The following C12orf50 variants were observed in gnomAD, a reference collection of about 807,000 sequenced individuals.
The protein encoded by C12orf50 is uncharacterized protein C12orf50.
Under a neutral mutation model 61.6 loss-of-function variants are expected in C12orf50, and 35 were observed. That is an observed-to-expected ratio of 0.57 (90% confidence interval 0.43 to 0.75). The LOEUF is 0.75. Ranked by LOEUF, C12orf50 falls within the 30% of genes least tolerant of loss-of-function variation. The pLI is 0.00. For missense variants in C12orf50, 475 were observed against 488.5 expected (o/e 0.97, Z 0.26); for synonymous variants, 178 against 161.5 (o/e 1.10, Z -0.77).
intron 12 of C12orf50, among the ~76,000 whole-genome samples, chr12:87,982,894 C>A (rs58314486): frequency 0.077 from 11,571 of 150,962 alleles, 1,199 homozygotes; most frequent in African/African-American, 0.24. Flanking sequence ...TTTTGGGTAA[C>A]ACATAAAAAT....
At chr12:88,008,592 TTAAA>T (rs1470204129) in intron 3 of C12orf50, among the ~76,000 whole-genome samples, 4 of 152,088 alleles carry the variant, frequency 2.6e-5, no homozygotes, top group African/African-American at 9.7e-5. Flanking sequence ...TATATAATTC[TTAAA>T]TAAAGAATTG....
chr12:88,010,583 T>C lies in C12orf50; in HGVS notation c.134-12393A>G, dbSNP rs539909174. Among the ~76,000 whole-genome samples, 96 of 151,474 alleles carry C rather than the reference T, an allele frequency of 6.3e-4. 1 individual carries two copies. The highest frequency in any genetic ancestry group is 2.3e-3 in the African/African-American group (94 of 41,482). Reference sequence around the variant, plus strand: ...AAAATTTTTACTTTTAAAGCCAATATTGATAAAATGTTGAAAGTTACACCA... The same window carrying C: ...AAAATTTTTACTTTTAAAGCCAATACTGATAAAATGTTGAAAGTTACACCA... On this transcript the variant is annotated intron_variant, in intron 3 of 12. Coordinates refer to ENST00000298699, the MANE Select transcript of C12orf50 (RefSeq NM_152589.3).
chr12:88,026,695 C>T (rs376881739), intron 2 of C12orf50, 87 bp from the exon 3 acceptor site: 22 of 1,496,168 alleles, frequency 1.5e-5, no homozygotes, highest in East Asian at 4.6e-5. Context: ...CACAAGGACA[C>T]AAAAACAATT....
chr12:87,994,242 AAGT>A (rs2031274553), intron 7 of C12orf50, among the ~76,000 whole-genome samples: 1 of 151,952 alleles, frequency 6.6e-6, no homozygotes, highest in Non-Finnish European at 1.5e-5. Flanking sequence ...GATAAATAAA[AAGT>A]AGACTTAATC....
chr12:87,992,398 CTG>C (rs968701336), intron 7 of C12orf50, among the ~76,000 whole-genome samples: 1 of 151,788 alleles, frequency 6.6e-6, no homozygotes, highest in Non-Finnish European at 1.5e-5. Context: ...TGTGTATCAA[CTG>C]TGTGTATATA....
intron 7 of C12orf50, 72 bp from the exon 8 acceptor site, chr12:87,989,443 A>T: frequency 1.0e-6 from 1 of 992,998 alleles, no homozygotes; most frequent in Non-Finnish European, 1.6e-6. Context: ...ATACAGGAAC[A>T]TTTTCTACAA....
At chr12:88,025,913 A>T (rs1304562400) in intron 3 of C12orf50, among the ~76,000 whole-genome samples, 5 of 152,202 alleles carry the variant, frequency 3.3e-5, no homozygotes, top group African/African-American at 1.2e-4. Context: ...CACTTCCCAG[A>T]ACCAACTTTA....
intron 3 of C12orf50, among the ~76,000 whole-genome samples, chr12:88,020,717 A>G (rs2032483977): frequency 1.3e-5 from 2 of 152,160 alleles, no homozygotes; most frequent in South Asian, 4.1e-4. Context: ...CTCCACCCCA[A>G]AACAACAGAA....
chr12:88,005,222 C>T (rs1181903794), intron 3 of C12orf50, among the ~76,000 whole-genome samples: 1 of 152,196 alleles, frequency 6.6e-6, no homozygotes, highest in East Asian at 1.9e-4. Flanking sequence ...ATTGACTTCT[C>T]ATCCTAAACC....
At chr12:87,986,657 C>T (rs1319577590) in intron 9 of C12orf50, among the ~76,000 whole-genome samples, 1 of 152,118 alleles carries the variant, frequency 6.6e-6, no homozygotes, top group Non-Finnish European at 1.5e-5. Flanking sequence ...AAGAAAAACA[C>T]TTTCCTCCAA....
At chr12:88,017,763 A>G (rs913527581) in intron 3 of C12orf50, among the ~76,000 whole-genome samples, 5 of 152,182 alleles carry the variant, frequency 3.3e-5, no homozygotes, top group Non-Finnish European at 7.4e-5. Flanking sequence ...TGGGAACTGG[A>G]GCAAAGGTGA....
intron 3 of C12orf50, among the ~76,000 whole-genome samples, chr12:88,002,931 T>C (rs999277668): frequency 1.3e-5 from 2 of 151,858 alleles, no homozygotes; most frequent in South Asian, 2.1e-4. Context: ...GTGAGATAGA[T>C]ATAAGAGGTT....
At chr12:88,009,092 T>C (rs1175160375) in intron 3 of C12orf50, among the ~76,000 whole-genome samples, 1 of 152,162 alleles carries the variant, frequency 6.6e-6, no homozygotes, top group Non-Finnish European at 1.5e-5. Flanking sequence ...TACAAACTGC[T>C]GTTACGTGCA....
chr12:87,980,287 G>C lies in C12orf50; in HGVS notation c.*44C>G. 1 of 1,578,332 alleles carries C rather than the reference G, an allele frequency of 6.3e-7. No homozygotes were observed. On this transcript the variant is annotated 3_prime_UTR_variant, in exon 13 of 13. Coordinates refer to ENST00000298699, the MANE Select transcript of C12orf50 (RefSeq NM_152589.3). Reference sequence around the variant, plus strand: ...CATTTTTGATTGTAAATCAGATGATGTCTGGCAATTTTTTCTCATTTTTCT... The same window carrying C: ...CATTTTTGATTGTAAATCAGATGATCTCTGGCAATTTTTTCTCATTTTTCT...
At chr12:87,982,682 T>G (rs2030551884) in intron 12 of C12orf50, among the ~76,000 whole-genome samples, 1 of 152,078 alleles carries the variant, frequency 6.6e-6, no homozygotes. Context: ...GGCTGAGAAA[T>G]TTCATCTTGG....
At chr12:88,012,173 A>G (rs1412585093) in intron 3 of C12orf50, among the ~76,000 whole-genome samples, 1 of 152,228 alleles carries the variant, frequency 6.6e-6, no homozygotes, top group African/African-American at 2.4e-5. Flanking sequence ...CGGAGTCTCT[A>G]CAAGGGAGTA....
intron 3 of C12orf50, among the ~76,000 whole-genome samples, chr12:88,017,137 T>C (rs1385390837): frequency 6.6e-6 from 1 of 152,208 alleles, no homozygotes; most frequent in Non-Finnish European, 1.5e-5. Context: ...ATAGTTTGAC[T>C]ATGTCCCTAC....
At chr12:88,009,382 CCTAA>C (rs1439635152) in intron 3 of C12orf50, among the ~76,000 whole-genome samples, 3 of 151,820 alleles carry the variant, frequency 2.0e-5, no homozygotes, top group Non-Finnish European at 4.4e-5. Flanking sequence ...TTTGGATTTC[CCTAA>C]CTATTAATAA....
intron 7 of C12orf50, 60 bp from the exon 8 acceptor site, chr12:87,989,431 C>A: frequency 8.3e-7 from 1 of 1,210,464 alleles, no homozygotes; most frequent in South Asian, 1.3e-5. Flanking sequence ...AACTAGCTTT[C>A]AATACAGGAA....
Sources: gnomAD v4.1 joint callset for allele counts (sites outside exome capture counted in the v4.1 genomes callset) on GRCh38, gnomAD v4.1.1 for gene constraint, MANE v1.5 for transcripts, NCBI Gene and HGNC (gene_info 2026-07-23, HGNC 2026-07-21) for gene names.